Variants in EEF2K observed in about 807,000 individuals in gnomAD.
The protein encoded by EEF2K is eukaryotic elongation factor 2 kinase.
EEF2K carries 70 observed loss-of-function variants against 93.8 expected under a neutral mutation model. The observed-to-expected ratio is 0.75, with a 90% CI of 0.62 to 0.91. The LOEUF (loss-of-function observed/expected upper bound fraction) is 0.91, where lower values mean the gene tolerates loss of function less well. Among genes scored for constraint, EEF2K ranks in the 40% least tolerant of loss-of-function variants. The pLI is 0.00. For synonymous variants in EEF2K, 376 were observed against 380.8 expected (o/e 0.99, Z 0.15); for missense variants, 935 against 972.9 (o/e 0.96, Z 0.52).
At chr16:22,221,167 AAC>A (rs1346480065) in intron 1 of EEF2K, among the ~76,000 whole-genome samples, 1 of 152,160 alleles carries the variant, frequency 6.6e-6, no homozygotes, top group Non-Finnish European at 1.5e-5. Context: ...AGAAAGAAAA[AAC>A]AGAGGACTTA....
Position 22,251,205 on chromosome 16 carries a change from C to T in EEF2K, c.501C>T (p.Tyr167=), listed in dbSNP as rs55959085. Residue 167 remains tyrosine (Y), a synonymous_variant, in exon 6 of 18, where the codon TAC becomes TAT. Transcript: ENST00000263026. ...AGCAGTGGAAGGGCGCCTCCAACTACGTGGCGAAGCGCTACATCGAGCCCG... is the reference window on the plus strand; with the variant it reads ...AGCAGTGGAAGGGCGCCTCCAACTATGTGGCGAAGCGCTACATCGAGCCCG... ...HAQQWKGASN[Y]VAKRYIEPVD... 1,086 of 1,614,100 alleles carry T rather than the reference C, an allele frequency of 6.7e-4. 11 individuals are homozygous for T. The African/African-American group carries it at 0.013, about 20-fold the overall frequency.
chr16:22,274,375 C>T (rs1276234137), intron 16 of EEF2K, among the ~76,000 whole-genome samples: 3 of 148,020 alleles, frequency 2.0e-5, no homozygotes, highest in African/African-American at 5.0e-5. Context: ...ACCCGGGAGG[C>T]GGAGATTGCC....
intron 2 of EEF2K, among the ~76,000 whole-genome samples, chr16:22,243,280 C>G (rs1208928785): frequency 7.1e-6 from 1 of 141,024 alleles, no homozygotes; most frequent in African/African-American, 2.7e-5. Flanking sequence ...GAGACAGGGT[C>G]TCCCTCTGTC....
At chr16:22,233,313 A>G (rs1056302304) in intron 2 of EEF2K, among the ~76,000 whole-genome samples, 1 of 152,108 alleles carries the variant, frequency 6.6e-6, no homozygotes, top group African/African-American at 2.4e-5. Flanking sequence ...TCATTTCTAC[A>G]TTTTCTAGAA....
At position 22,285,218 on chromosome 16, in the gene EEF2K, T is replaced by C. The variant is rs1341220253; in HGVS notation, c.*1222T>C. ...CACAACGTGACTGCAATGTCTCTTATACAGTATTCCTTGGTGTTTTCTTAG... is the reference window on the plus strand; with the variant it reads ...CACAACGTGACTGCAATGTCTCTTACACAGTATTCCTTGGTGTTTTCTTAG... On this transcript the variant is annotated 3_prime_UTR_variant, in exon 18 of 18. Transcript: ENST00000263026. 1 of 152,384 alleles carries C rather than the reference T, an allele frequency of 6.6e-6. No individual in the cohort carries two copies. 9.4% of individuals were successfully genotyped at this position (152,384 alleles called of 1,614,324 possible). A position where few individuals can be genotyped will look rare whatever the true frequency, so the allele number is the denominator to read the frequency against.
intron 2 of EEF2K, among the ~76,000 whole-genome samples, chr16:22,241,869 CTG>C (rs2047227092): frequency 6.6e-6 from 1 of 152,080 alleles, no homozygotes; most frequent in East Asian, 1.9e-4. Context: ...CAGCTCATCT[CTG>C]TAATCCTAGT....
At chr16:22,258,384 T>C in intron 9 of EEF2K, 110 bp from the exon 10 acceptor site, 1 of 1,131,480 alleles carries the variant, frequency 8.8e-7, no homozygotes, top group Non-Finnish European at 1.3e-6. Context: ...AACAGGCATG[T>C]TTAGGAGCTG....
At chr16:22,276,263 A>G (rs2047634108) in intron 16 of EEF2K, among the ~76,000 whole-genome samples, 2 of 152,148 alleles carry the variant, frequency 1.3e-5, no homozygotes, top group South Asian at 2.1e-4. Context: ...ATTTTAAAAG[A>G]CATTTTTTTT....
intron 16 of EEF2K, 123 bp from the exon 17 acceptor site, chr16:22,280,075 G>C: frequency 1.1e-6 from 1 of 933,000 alleles, no homozygotes; most frequent in Non-Finnish European, 1.5e-6. Context: ...GACAAGATAG[G>C]TCGTGAACCA....
intron 1 of EEF2K, among the ~76,000 whole-genome samples, chr16:22,209,996 C>G (rs946558060): frequency 2.0e-5 from 3 of 152,092 alleles, no homozygotes; most frequent in African/African-American, 7.2e-5. Flanking sequence ...GGGTCTCACT[C>G]TGTTGCCCAG....
chr16:22,230,898 A>T (rs945297743), intron 2 of EEF2K, among the ~76,000 whole-genome samples: 5 of 151,946 alleles, frequency 3.3e-5, no homozygotes, highest in African/African-American at 1.2e-4. Context: ...CCAAAGGGGG[A>T]TTACAGGAGT....
chr16:22,258,056 G>A (rs1052378039), intron 9 of EEF2K, among the ~76,000 whole-genome samples: 63 of 151,902 alleles, frequency 4.1e-4, no homozygotes, highest in Admixed American at 4.1e-3. Flanking sequence ...AAGGCATGTG[G>A]TGTGTGTGTG....
rs760356178 is a variant in EEF2K at position 22,225,825 on chromosome 16, C to T, written c.96C>T (p.Asp32=). The change falls in exon 2 of 18, where the codon GAC becomes GAT. Residue 32 remains aspartate (D), a synonymous_variant. Coordinates refer to ENST00000263026, the MANE Select transcript of EEF2K (RefSeq NM_013302.5). ...ATGGTGATTCTGATGGGGACAGCGA[C>T]GATGAGGAAGGTTACTTCATCTGCC... ...GHDGDSDGDS[D]DEEGYFICPI... is the part of the protein sequence containing the mutation. The T allele has an allele frequency of 1.1e-5, 18 of 1,614,098 alleles. No homozygotes were observed. Among genetic ancestry groups the T allele is most frequent in the Non-Finnish European group, 1.2e-5 (14 of 1,180,040 alleles).
At chr16:22,244,277 G>A (rs998927650) in intron 2 of EEF2K, among the ~76,000 whole-genome samples, 74 of 139,684 alleles carry the variant, frequency 5.3e-4, no homozygotes, top group African/African-American at 2.2e-3. Flanking sequence ...TATTGTGTGT[G>A]TGTGTGTGTG....
intron 4 of EEF2K, among the ~76,000 whole-genome samples, chr16:22,250,376 A>G (rs2873167): frequency 6.6e-6 from 1 of 151,878 alleles, no homozygotes; most frequent in Non-Finnish European, 1.5e-5. Flanking sequence ...GTCCTCTGAG[A>G]TGCACTGTCC....
intron 6 of EEF2K, 67 bp downstream of exon 6, chr16:22,251,389 G>A: frequency 6.5e-7 from 1 of 1,549,476 alleles, no homozygotes; most frequent in Non-Finnish European, 8.7e-7. Context: ...TGGGAAAGAG[G>A]GCCATGGTGA....
intron 15 of EEF2K, among the ~76,000 whole-genome samples, chr16:22,272,571 C>A (rs754106731): frequency 2.0e-5 from 3 of 151,780 alleles, no homozygotes; most frequent in Admixed American, 1.3e-4. Context: ...GACAGTTAAG[C>A]GGTATGAGAT....
chr16:22,279,793 G>A (rs62044793), intron 16 of EEF2K, among the ~76,000 whole-genome samples: 10,484 of 152,060 alleles, frequency 0.069, 429 homozygotes, highest in South Asian at 0.12. Flanking sequence ...TTAGGGGTTC[G>A]AGACCAGCCT....
At position 22,278,520 on chromosome 16, in the gene EEF2K, C is replaced by T. The variant is rs558036196; in HGVS notation, c.1890-1678C>T. Reference sequence around the variant, plus strand: ...GCAGGCATCGTTGGGGAATGGATGGCAGCCGGTGAGCCTGGTGCAAAGGTA... The same window carrying T: ...GCAGGCATCGTTGGGGAATGGATGGTAGCCGGTGAGCCTGGTGCAAAGGTA... On this transcript the variant is annotated intron_variant, in intron 16 of 17. Transcript: ENST00000263026. Among the ~76,000 whole-genome samples, 3 of 152,212 alleles carry T rather than the reference C, an allele frequency of 2.0e-5. No individual in the cohort carries two copies. In the East Asian group the frequency reaches 5.8e-4, roughly 29 times the overall value.
Sources: allele counts gnomAD v4.1 joint callset (sites outside exome capture counted in the v4.1 genomes callset), GRCh38; gene constraint gnomAD v4.1.1; transcripts MANE v1.5; gene names NCBI Gene and HGNC (gene_info 2026-07-23, HGNC 2026-07-21).